The following SDK1 variants were observed in gnomAD, a reference collection of about 807,000 sequenced individuals.
SDK1 encodes the protein sidekick cell adhesion molecule 1, also known as protein sidekick-1.
In SDK1, 157 loss-of-function variants were observed where a neutral mutation model predicts 245.5. The observed-to-expected ratio is 0.64, with a 90% CI of 0.56 to 0.73. The LOEUF is 0.73. SDK1 is among the 30% of genes least tolerant of loss of function. The pLI, the probability that SDK1 is intolerant of heterozygous loss-of-function variation, is 0.00. For synonymous variants in SDK1, 1,647 were observed against 1,278.5 expected, an observed-to-expected ratio of 1.29 and a Z score of -6.15; for missense variants, 3,583 against 3,002.3, an observed-to-expected ratio of 1.19 and a Z score of -4.52.
chr7:4,254,997 C>G (rs146157085), intron 44 of SDK1, among the ~76,000 whole-genome samples: 2 of 152,358 alleles, frequency 1.3e-5, no homozygotes, highest in South Asian at 2.1e-4. Context: ...CTCTGGTTTT[C>G]TCAGCAATGC....
chr7:4,055,140 T>C (rs1318741669), intron 19 of SDK1, among the ~76,000 whole-genome samples: 1 of 152,230 alleles, frequency 6.6e-6, no homozygotes, highest in Admixed American at 6.5e-5. Context: ...TTCCCACTTC[T>C]ATGTTCTGGA....
intron 4 of SDK1, among the ~76,000 whole-genome samples, chr7:3,723,969 GAGAGAGAGAA>G (rs1778928110): frequency 6.7e-6 from 1 of 149,496 alleles, no homozygotes; most frequent in Admixed American, 6.6e-5. Flanking sequence ...GAGAGAGAGA[GAGAGAGAGAA>G]AGAGAGAGAG....
chr7:3,705,481 A>ATTTTC lies in SDK1; in HGVS notation c.713+63380_713+63381insCTTTT, dbSNP rs1319265617. ...ATTTTATTTTATTTTATTTTATTTT[A>ATTTTC]TTTTATTTTATTTTTTATTTTATTT... On this transcript the variant is annotated intron_variant, in intron 4 of 44. Coordinates refer to ENST00000404826, the MANE Select transcript of SDK1 (RefSeq NM_152744.4). Among the ~76,000 whole-genome samples, 14 of 110,964 alleles carry ATTTTC rather than the reference A, an allele frequency of 1.3e-4. 1 individual carries two copies. In the East Asian group the frequency reaches 1.3e-3, roughly 11 times the overall value. The allele number at this position is 110,964 out of a possible 152,430, so 72.8% of individuals were successfully genotyped here.
chr7:4,161,886 G>A (rs776202370), intron 32 of SDK1, 30 bp downstream of exon 32: 14 of 1,589,236 alleles, frequency 8.8e-6, no homozygotes, highest in South Asian at 6.6e-5. Flanking sequence ...CGCGCGTTTT[G>A]TCAAATGTGT....
At chr7:3,996,480 T>C (rs190554558) in intron 14 of SDK1, among the ~76,000 whole-genome samples, 1 of 152,364 alleles carries the variant, frequency 6.6e-6, no homozygotes, top group Non-Finnish European at 1.5e-5. Context: ...TTAGTAATTC[T>C]GGTTTTCCGT....
chr7:3,380,758 A>G (rs892247511), intron 1 of SDK1, among the ~76,000 whole-genome samples: 10 of 152,172 alleles, frequency 6.6e-5, no homozygotes, highest in African/African-American at 2.4e-4. Context: ...CTGCCCCTCT[A>G]GAAACTCCAT....
intron 5 of SDK1, among the ~76,000 whole-genome samples, chr7:3,868,272 C>T (rs1016174160): frequency 7.2e-5 from 11 of 152,052 alleles, no homozygotes; most frequent in Non-Finnish European, 1.3e-4. Context: ...AAAAATGTGC[C>T]GCTTAGTTTA....
intron 30 of SDK1, among the ~76,000 whole-genome samples, chr7:4,153,872 G>C (rs975316826): frequency 2.6e-5 from 4 of 151,642 alleles, no homozygotes; most frequent in Admixed American, 6.6e-5. Flanking sequence ...TTAGAAATGG[G>C]GTCTCACTAT....
chr7:3,581,986 C>CT, intron 1 of SDK1, among the ~76,000 whole-genome samples: 1 of 152,358 alleles, frequency 6.6e-6, no homozygotes, highest in East Asian at 1.9e-4. Flanking sequence ...CCGGGGCCTA[C>CT]TTGAGGGTGG....
rs539544133 is a variant in SDK1, at chr7:3,367,106, C to T, written c.298+65222C>T. On this transcript the variant is annotated intron_variant, in intron 1 of 44. Transcript: ENST00000404826. ...GGAAGATAAGTTGTGAAAGTTACTT[C>T]CCAGTTTGCCATTGGTCTTTTGACT... Among the ~76,000 whole-genome samples, 8 of 152,146 alleles carry T rather than the reference C, an allele frequency of 5.3e-5. No homozygotes were observed. The South Asian group carries it at 1.7e-3, about 32-fold the overall frequency.
chr7:4,266,528 G>C lies in SDK1; in HGVS notation c.*1144G>C, dbSNP rs932434616. 2 of 985,166 alleles carry C rather than the reference G, an allele frequency of 2.0e-6. No homozygotes were observed. The highest frequency in any genetic ancestry group is 2.4e-6 in the Non-Finnish European group (2 of 829,926). 61.0% of individuals were successfully genotyped at this position (985,166 alleles called of 1,614,324 possible). A position where few individuals can be genotyped will look rare whatever the true frequency, so the allele number is the denominator to read the frequency against. Reference sequence around the variant, plus strand: ...GGCGCTGCTGCTGCCCCCTCTCCCAGTCCGAGGCCAGCTTTTAGCCTTAAC... The same window carrying C: ...GGCGCTGCTGCTGCCCCCTCTCCCACTCCGAGGCCAGCTTTTAGCCTTAAC... On this transcript the variant is annotated 3_prime_UTR_variant, in exon 45 of 45. Coordinates refer to ENST00000404826, the MANE Select transcript of SDK1 (RefSeq NM_152744.4).
At chr7:4,045,679 A>G in intron 17 of SDK1, among the ~76,000 whole-genome samples, 1 of 152,150 alleles carries the variant, frequency 6.6e-6, no homozygotes, top group Non-Finnish European at 1.5e-5. Flanking sequence ...TGGCCGTGCC[A>G]TGGGCATCCG....
chr7:3,939,012 A>G (rs1185466522), intron 5 of SDK1, among the ~76,000 whole-genome samples: 4 of 152,248 alleles, frequency 2.6e-5, no homozygotes, highest in Admixed American at 2.6e-4. Flanking sequence ...TCAGTAGAAA[A>G]GTCCAGAAGC....
At chr7:3,790,675 G>A (rs1309912221) in intron 4 of SDK1, among the ~76,000 whole-genome samples, 7 of 152,120 alleles carry the variant, frequency 4.6e-5, no homozygotes, top group African/African-American at 7.2e-5. Context: ...GCATGGTGAC[G>A]CATGCCTGTG....
At chr7:4,022,760 T>TTTTC (rs887081380) in intron 17 of SDK1, among the ~76,000 whole-genome samples, 12 of 150,558 alleles carry the variant, frequency 8.0e-5, no homozygotes, top group Non-Finnish European at 1.8e-4. Context: ...CTCGTTTTTC[T>TTTTC]TTTCTTTCTT....
intron 11 of SDK1, among the ~76,000 whole-genome samples, chr7:3,969,756 T>G (rs1562592594): frequency 6.6e-6 from 1 of 152,182 alleles, no homozygotes; most frequent in East Asian, 1.9e-4. Context: ...ATAAGAAAAT[T>G]AAGAATTAAA....
chr7:3,318,839 A>G (rs1779726029), intron 1 of SDK1, among the ~76,000 whole-genome samples: 2 of 152,204 alleles, frequency 1.3e-5, no homozygotes, highest in Non-Finnish European at 2.9e-5. Flanking sequence ...AGTGAATTTA[A>G]TATTGACAAT....
At chr7:4,009,149 ACTGTTTT>A (rs776831632) in intron 14 of SDK1, among the ~76,000 whole-genome samples, 30 of 152,178 alleles carry the variant, frequency 2.0e-4, no homozygotes, top group Non-Finnish European at 4.0e-4. Flanking sequence ...TGTTTTGTCC[ACTGTTTT>A]CACGGAAGTT....
At chr7:3,879,112 C>T (rs931229968) in intron 5 of SDK1, among the ~76,000 whole-genome samples, 3 of 152,102 alleles carry the variant, frequency 2.0e-5, no homozygotes, top group Non-Finnish European at 2.9e-5. Flanking sequence ...CTCTGGGGGA[C>T]AATCTGTAAT....
Sources: allele counts gnomAD v4.1 joint callset (sites outside exome capture counted in the v4.1 genomes callset), GRCh38; gene constraint gnomAD v4.1.1; transcripts MANE v1.5; gene names NCBI Gene and HGNC (gene_info 2026-07-23, HGNC 2026-07-21).